PDE7B: variants seen among roughly 807,000 people sequenced by gnomAD.
PDE7B encodes phosphodiesterase 7B, also known as 3',5'-cyclic-AMP phosphodiesterase 7B.
PDE7B carries 29 observed loss-of-function variants against 56.2 expected under a neutral mutation model. That is an observed-to-expected ratio of 0.52 (90% CI 0.38 to 0.70). The LOEUF is 0.70. Ranked by LOEUF, PDE7B falls within the 30% of genes least tolerant of loss-of-function variation. PDE7B has a pLI of 0.00. For synonymous variants in PDE7B, 197 were observed against 196.9 expected (o/e 1.00, Z 0.00); for missense variants, 490 against 565.0 (o/e 0.87, Z 1.35).
chr6:136,179,865 A>G (rs1779035592), intron 10 of PDE7B, among the ~76,000 whole-genome samples: 1 of 152,232 alleles, frequency 6.6e-6, no homozygotes, highest in Admixed American at 6.5e-5. Flanking sequence ...GAATTGAATT[A>G]CATTGGATCA....
intron 8 of PDE7B, among the ~76,000 whole-genome samples, chr6:136,172,248 C>A (rs933286580): frequency 6.6e-6 from 1 of 152,114 alleles, no homozygotes; most frequent in African/African-American, 2.4e-5. Context: ...GTTTACAGTC[C>A]CACCAACAGT....
intron 1 of PDE7B, among the ~76,000 whole-genome samples, chr6:135,878,711 G>A (rs1775546984): frequency 6.6e-6 from 1 of 152,112 alleles, no homozygotes; most frequent in Non-Finnish European, 1.5e-5. Context: ...CTCACCCACA[G>A]CTTGGGAGGG....
chr6:136,024,288 A>G (rs1213090988), intron 2 of PDE7B, among the ~76,000 whole-genome samples: 1 of 152,244 alleles, frequency 6.6e-6, no homozygotes, highest in African/African-American at 2.4e-5. Flanking sequence ...AAATGGCAGC[A>G]GATCAATAGT....
At chr6:136,184,437 G>C (rs1330787525) in intron 11 of PDE7B, among the ~76,000 whole-genome samples, 1 of 152,130 alleles carries the variant, frequency 6.6e-6, no homozygotes, top group Middle Eastern at 3.2e-3. Flanking sequence ...ACATGTGACT[G>C]GTTAAATTTA....
At position 135,955,229 on chromosome 6, in the gene PDE7B, A is replaced by C. The variant is rs1038830377; in HGVS notation, c.82+7705A>C. On this transcript the variant is annotated intron_variant, in intron 2 of 12. Coordinates refer to ENST00000308191, the MANE Select transcript of PDE7B (RefSeq NM_018945.4). ...GTGACACAGGGACGACCACACAAACAATGACAACATAGCATGATAAACCAC... is the reference window on the plus strand; with the variant it reads ...GTGACACAGGGACGACCACACAAACCATGACAACATAGCATGATAAACCAC... Among the ~76,000 whole-genome samples the C allele has an allele frequency of 2.6e-5, 4 of 152,052 alleles. No homozygotes were observed. The East Asian group carries it at 7.7e-4, about 29-fold the overall frequency.
At chr6:136,109,688 TC>T (rs1314653527) in intron 3 of PDE7B, among the ~76,000 whole-genome samples, 1 of 152,216 alleles carries the variant, frequency 6.6e-6, no homozygotes, top group Non-Finnish European at 1.5e-5. Context: ...GTAGTTTTGC[TC>T]AACCTTTGGT....
intron 3 of PDE7B, among the ~76,000 whole-genome samples, chr6:136,132,943 A>C (rs963137749): frequency 1.4e-4 from 22 of 152,162 alleles, no homozygotes; most frequent in Non-Finnish European, 1.5e-5. Flanking sequence ...CGTGGGCACT[A>C]AGAGAGAAAT....
chr6:135,889,101 C>A (rs1399383478), intron 1 of PDE7B, among the ~76,000 whole-genome samples: 1 of 151,994 alleles, frequency 6.6e-6, no homozygotes, highest in African/African-American at 2.4e-5. Context: ...GGGGTCATGC[C>A]CAGTTAATAG....
chr6:136,046,023 G>A (rs143353890), intron 2 of PDE7B, among the ~76,000 whole-genome samples: 13 of 151,484 alleles, frequency 8.6e-5, no homozygotes, highest in East Asian at 2.0e-4. Flanking sequence ...ATCTATAAAC[G>A]TAAGTGACAA....
intron 2 of PDE7B, among the ~76,000 whole-genome samples, chr6:136,042,276 C>T (rs1400699984): frequency 6.6e-6 from 1 of 152,190 alleles, no homozygotes; most frequent in African/African-American, 2.4e-5. Flanking sequence ...AATTAAGTAG[C>T]TTCTCAGATG....
At chr6:136,101,194 A>G (rs1468348590) in intron 2 of PDE7B, among the ~76,000 whole-genome samples, 3 of 152,200 alleles carry the variant, frequency 2.0e-5, no homozygotes, top group African/African-American at 7.2e-5. Context: ...TTTTGCATCA[A>G]TGTTCATCAG....
At chr6:136,019,454 G>C (rs4333432) in intron 2 of PDE7B, among the ~76,000 whole-genome samples, 1 of 152,178 alleles carries the variant, frequency 6.6e-6, no homozygotes, top group East Asian at 1.9e-4. Context: ...CATCGACACT[G>C]TAAATATGCA....
At chr6:136,191,474 C>A in intron 12 of PDE7B, 140 bp from the exon 13 acceptor site, 1 of 717,468 alleles carries the variant, frequency 1.4e-6, no homozygotes. Context: ...CAAGGCCAAC[C>A]TGGCCAACAT....
At chr6:136,181,788 C>G (rs1057494727) in intron 11 of PDE7B, among the ~76,000 whole-genome samples, 10 of 151,762 alleles carry the variant, frequency 6.6e-5, no homozygotes, top group African/African-American at 9.7e-5. Context: ...TGAAATTGGA[C>G]ACAGCTGACC....
At chr6:136,007,157 T>C (rs547608989) in intron 2 of PDE7B, among the ~76,000 whole-genome samples, 14 of 152,238 alleles carry the variant, frequency 9.2e-5, no homozygotes, top group Non-Finnish European at 1.9e-4. Flanking sequence ...TCTGCATCTA[T>C]TGAGATAGTC....
intron 2 of PDE7B, among the ~76,000 whole-genome samples, chr6:136,016,527 G>A (rs1300672574): frequency 6.6e-6 from 1 of 152,186 alleles, no homozygotes; most frequent in Non-Finnish European, 1.5e-5. Context: ...CTCTGGAGAG[G>A]TTTTATTTTC....
chr6:136,163,723 T>A (rs1327913970), intron 8 of PDE7B, among the ~76,000 whole-genome samples: 3 of 152,226 alleles, frequency 2.0e-5, no homozygotes, highest in Non-Finnish European at 2.9e-5. Context: ...TTCTATCAGA[T>A]ACCCTAAATC....
chr6:135,987,568 C>T (rs1232988778), intron 2 of PDE7B, among the ~76,000 whole-genome samples: 3 of 152,132 alleles, frequency 2.0e-5, no homozygotes, highest in African/African-American at 4.8e-5. Flanking sequence ...TCGCATAAGA[C>T]AGATCCCACT....
intron 2 of PDE7B, among the ~76,000 whole-genome samples, chr6:136,098,656 C>T (rs1343242146): frequency 6.6e-6 from 1 of 152,126 alleles, no homozygotes; most frequent in Non-Finnish European, 1.5e-5. Flanking sequence ...ACAAGTGAGA[C>T]TTCTCCTAGC....
Sources: gnomAD v4.1 joint callset for allele counts (sites outside exome capture counted in the v4.1 genomes callset) on GRCh38, gnomAD v4.1.1 for gene constraint, MANE v1.5 for transcripts, NCBI Gene and HGNC (gene_info 2026-07-23, HGNC 2026-07-21) for gene names.